The following KLHDC10 variants were observed in gnomAD, a reference collection of about 807,000 sequenced individuals.
The protein encoded by KLHDC10 is kelch domain containing 10.
KLHDC10 carries 24 observed loss-of-function variants against 56.1 expected under a neutral mutation model. The ratio of observed to expected loss-of-function variants is 0.43; its 90% CI spans 0.31 to 0.60. The LOEUF is 0.60. KLHDC10 is among the 20% of genes least tolerant of loss of function. KLHDC10 has a pLI of 0.11. For synonymous variants in KLHDC10, 188 were observed against 207.1 expected, an observed-to-expected ratio of 0.91 and a Z score of 0.79; for missense variants, 349 against 567.0, an observed-to-expected ratio of 0.62 and a Z score of 3.91.
chr7:130,090,197 C>T (rs1288345595), intron 1 of KLHDC10, among the ~76,000 whole-genome samples: 1 of 152,068 alleles, frequency 6.6e-6, no homozygotes, highest in African/African-American at 2.4e-5. Flanking sequence ...TGAATGTAAG[C>T]TATTCCATAT....
At chr7:130,104,264 A>C (rs1795978914) in intron 2 of KLHDC10, among the ~76,000 whole-genome samples, 1 of 152,204 alleles carries the variant, frequency 6.6e-6, no homozygotes, top group Non-Finnish European at 1.5e-5. Flanking sequence ...ATCTGCATAT[A>C]AATAGACTTG....
intron 1 of KLHDC10, among the ~76,000 whole-genome samples, chr7:130,084,176 G>A (rs547554983): frequency 6.6e-6 from 1 of 152,160 alleles, no homozygotes; most frequent in Non-Finnish European, 1.5e-5. Flanking sequence ...AACTGAATTT[G>A]TGATCTTTAT....
chr7:130,070,765 A>C lies in KLHDC10; in HGVS notation c.122A>C (p.Gln41Pro), dbSNP rs757689670. The part of the protein sequence containing the change: ...SGGSGGRGTG[Q>P]LNRFVQLSGR... ...GGCAGCGGGGGTCGGGGGACTGGCC[A>C]GCTCAACCGCTTCGTGCAACTCTCC... The change falls in exon 1 of 10, where the codon CAG becomes CCG. Residue 41 changes from glutamine to proline, a missense_variant. Gln to Pro is a moderately conservative substitution (Grantham distance 76, BLOSUM62 -1). Around this residue, in one of 2 missense-constraint regions of KLHDC10, gnomAD observed 104 missense variants for 97.0 expected, o/e 1.07. Transcript: ENST00000335420. The C allele has an allele frequency of 2.3e-6, 3 of 1,308,644 alleles. No individual in the cohort carries two copies. The highest frequency in any genetic ancestry group is 3.0e-4 in the Middle Eastern group (1 of 3,346). 81.1% of individuals were successfully genotyped at this position (1,308,644 alleles called of 1,614,324 possible).
At chr7:130,115,207 A>G (rs1796151310) in intron 2 of KLHDC10, among the ~76,000 whole-genome samples, 1 of 152,186 alleles carries the variant, frequency 6.6e-6, no homozygotes, top group African/African-American at 2.4e-5. Context: ...TTATACTAGT[A>G]TCTATTACCA....
At chr7:130,107,823 G>T (rs937492032) in intron 2 of KLHDC10, among the ~76,000 whole-genome samples, 7 of 114,082 alleles carry the variant, frequency 6.1e-5, no homozygotes, top group Non-Finnish European at 8.2e-5. Flanking sequence ...TAGCCTGGGC[G>T]ACAGAGTGGG....
At chr7:130,124,330 G>A (rs545435700) in intron 5 of KLHDC10, 121 bp from the exon 6 acceptor site, 328 of 613,818 alleles carry the variant, frequency 5.3e-4, no homozygotes, top group Non-Finnish European at 2.4e-4. Flanking sequence ...ATTGTTAAAC[G>A]CCTAGGTTAT....
intron 1 of KLHDC10, among the ~76,000 whole-genome samples, chr7:130,084,709 G>A (rs897275603): frequency 3.3e-5 from 5 of 151,870 alleles, no homozygotes; most frequent in Non-Finnish European, 5.9e-5. Flanking sequence ...CCCAGGAGGC[G>A]GAGGTTGCAG....
chr7:130,132,288 T>G lies in KLHDC10; in HGVS notation c.*1542T>G, dbSNP rs576041029. 5.9e-5 allele frequency: 9 copies of G among 152,200 alleles called. No homozygotes were observed. The highest frequency in any genetic ancestry group is 5.9e-4 in the Admixed American group (9 of 15,284). The allele number at this position is 152,200 out of a possible 1,614,324, so 9.4% of individuals were successfully genotyped here. ...ACATCTTTCCTTTAAGTGCCTCTTT[T>G]TTCACCTAGCTTTTAAAGTTATTCT... On this transcript the variant is annotated 3_prime_UTR_variant, in exon 10 of 10. Transcript: ENST00000335420.
chr7:130,085,926 C>A (rs1036328437), intron 1 of KLHDC10, among the ~76,000 whole-genome samples: 5 of 151,092 alleles, frequency 3.3e-5, no homozygotes, highest in African/African-American at 1.2e-4. Context: ...AGTAATCTTA[C>A]AGGGTATAGT....
chr7:130,128,888 AAATATATAT>A (rs1429895602), intron 8 of KLHDC10, among the ~76,000 whole-genome samples: 1 of 98,448 alleles, frequency 1.0e-5, no homozygotes, highest in African/African-American at 4.3e-5. Context: ...AAAAAAAAAA[AAATATATAT>A]ATATATATAT....
chr7:130,125,579 G>A (rs75835592), intron 6 of KLHDC10, among the ~76,000 whole-genome samples: 2,162 of 152,146 alleles, frequency 0.014, 44 homozygotes, highest in African/African-American at 0.049. Flanking sequence ...TCATGTATGT[G>A]TTTAATTTTC....
chr7:130,083,347 T>C (rs566935260), intron 1 of KLHDC10, among the ~76,000 whole-genome samples: 2 of 152,204 alleles, frequency 1.3e-5, no homozygotes, highest in African/African-American at 4.8e-5. Context: ...CTCCTTACCC[T>C]CACTCTATTT....
At chr7:130,093,372 T>C (rs1436277805) in intron 1 of KLHDC10, among the ~76,000 whole-genome samples, 1 of 152,026 alleles carries the variant, frequency 6.6e-6, no homozygotes, top group Non-Finnish European at 1.5e-5. Flanking sequence ...TACAGGTGCA[T>C]GACACCATGC....
intron 7 of KLHDC10, 147 bp downstream of exon 7, chr7:130,126,078 G>A (rs1796312172): frequency 1.6e-6 from 1 of 635,308 alleles, no homozygotes. Context: ...TATAATCTCA[G>A]CACTTTGGGA....
At chr7:130,117,870 A>AG (rs1796189956) in intron 3 of KLHDC10, among the ~76,000 whole-genome samples, 6 of 145,160 alleles carry the variant, frequency 4.1e-5, no homozygotes, top group African/African-American at 1.6e-4. Context: ...AAAAAAAAAA[A>AG]AAAAGAAAAA....
At position 130,130,633 on chromosome 7, in the gene KLHDC10, C is replaced by T. The variant is rs763811201; in HGVS notation, c.1216C>T (p.Leu406=). The part of the protein sequence containing the change: ...FKIWLVVPSL[L]ELAWEKLLAA... ...GATCTGGCTGGTGGTACCTAGCCTGCTGGAACTGGCATGGGAGAAGCTGCT... is the reference window on the plus strand; with the variant it reads ...GATCTGGCTGGTGGTACCTAGCCTGTTGGAACTGGCATGGGAGAAGCTGCT... The change falls in exon 10 of 10, where the codon CTG becomes TTG. Residue 406 remains leucine (L), a synonymous_variant. Coordinates refer to ENST00000335420, the MANE Select transcript of KLHDC10 (RefSeq NM_014997.4). This position sits in a 1 kb window ranked among gnomAD's most constrained non-coding sequence, Gnocchi z 4.2. 3.1e-6 allele frequency: 5 copies of T among 1,614,118 alleles called. No individual in the cohort carries two copies. Among genetic ancestry groups the T allele is most frequent in the Non-Finnish European group, 4.2e-6 (5 of 1,179,990 alleles).
At chr7:130,090,603 AAGAG>A (rs1417926666) in intron 1 of KLHDC10, among the ~76,000 whole-genome samples, 1 of 152,052 alleles carries the variant, frequency 6.6e-6, no homozygotes, top group African/African-American at 2.4e-5. Context: ...AAAAAAAAAA[AAGAG>A]AGAAGGGAAG....
intron 2 of KLHDC10, among the ~76,000 whole-genome samples, chr7:130,102,125 A>G (rs1795939597): frequency 6.6e-6 from 1 of 152,170 alleles, no homozygotes; most frequent in African/African-American, 2.4e-5. Context: ...AAAGGACAAT[A>G]CTGTCAAAAT....
At chr7:130,123,166 G>A (rs1796273042) in intron 5 of KLHDC10, among the ~76,000 whole-genome samples, 1 of 152,142 alleles carries the variant, frequency 6.6e-6, no homozygotes, top group African/African-American at 2.4e-5. Context: ...CCTAATAGCA[G>A]TTGCCTCTTC....
Sources: allele counts gnomAD v4.1 joint callset (sites outside exome capture counted in the v4.1 genomes callset), GRCh38; gene constraint gnomAD v4.1.1; regional missense constraint gnomAD v4.1.1; non-coding constraint Gnocchi (gnomAD v3.1); transcripts MANE v1.5; gene names NCBI Gene and HGNC (gene_info 2026-07-23, HGNC 2026-07-21).